PCDHGA1: variants seen among roughly 807,000 people sequenced by gnomAD.
The protein encoded by PCDHGA1 is protocadherin gamma subfamily A, 1, also known as protocadherin gamma-A1.
A neutral mutation model predicts 58.0 loss-of-function variants in PCDHGA1; 32 were observed. The observed-to-expected ratio is 0.55, with a 90% confidence interval of 0.42 to 0.74. PCDHGA1 has a LOEUF of 0.74. Among genes scored for constraint, PCDHGA1 ranks in the 30% least tolerant of loss-of-function variants. The pLI is 0.00. For synonymous variants in PCDHGA1, 498 were observed against 501.1 expected (o/e 0.99, Z 0.08); for missense variants, 1,205 against 1,182.3 (o/e 1.02, Z -0.28).
At position 141,486,055 on chromosome 5, in the gene PCDHGA1, C is replaced by T; in HGVS notation, c.2422-8752C>T. 6.2e-7 allele frequency: 1 copy of T among 1,614,170 alleles called. No individual in the cohort carries two copies. ...CTGATCGTGTAAGAAACCTCTTTAG[C>T]CTGCACCCCACTACTGGAAAGCTTA... On this transcript the variant is annotated intron_variant, in intron 1 of 3. Transcript: ENST00000517417. The surrounding 1 kb of genome is among the most constrained non-coding windows in gnomAD (Gnocchi z 5.0).
intron 1 of PCDHGA1, chr5:141,338,754 A>C (rs772097541): frequency 6.6e-6 from 8 of 1,209,178 alleles, no homozygotes; most frequent in Middle Eastern, 3.1e-4. Flanking sequence ...AGGCAGCGAG[A>C]CATCCAATCC....
In PCDHGA1 at chr5:141,353,085, C is replaced by T. The variant is rs368058412; in HGVS notation, c.2421+19980C>T. 3.9e-4 allele frequency among the ~76,000 whole-genome samples: 60 copies of T among 152,096 alleles called. No individual in the cohort carries two copies. In the East Asian group the frequency reaches 6.0e-3, roughly 15 times the overall value. On this transcript the variant is annotated intron_variant, in intron 1 of 3. Transcript: ENST00000517417. The stretch of plus-strand genomic sequence containing the variant: ...ATTGTTCTAGTGATGGTATCTACTG[C>T]GGGAGGGGGTACTAGATAGATGGAG...
chr5:141,510,069 CCAGCAGAGTGCCTGG>C (rs994886462), intron 3 of PCDHGA1, among the ~76,000 whole-genome samples: 12 of 152,260 alleles, frequency 7.9e-5, no homozygotes, highest in Admixed American at 7.8e-4. Context: ...TGTGAAGCAT[CCAGCAGAGTGCCTGG>C]CACACAGTAG....
In PCDHGA1 at chr5:141,431,508, G is replaced by A. The variant is rs774545870; in HGVS notation, c.2422-63299G>A. ...TTTGCTCAGCCCGAGTACCGCGCGA[G>A]CGTTCCGGAGAATCTGGCCTTGGGC... On this transcript the variant is annotated intron_variant, in intron 1 of 3. Coordinates refer to ENST00000517417, the MANE Select transcript of PCDHGA1 (RefSeq NM_018912.3). The surrounding 1 kb of genome is among the most constrained non-coding windows in gnomAD (Gnocchi z 4.8). 12 of 1,613,914 alleles carry A rather than the reference G, an allele frequency of 7.4e-6. No individual in the cohort carries two copies. Among genetic ancestry groups the A allele is most frequent in the East Asian group, 2.2e-5 (1 of 44,904 alleles).
chr5:141,408,185 C>G, intron 1 of PCDHGA1: 1 of 1,540,440 alleles, frequency 6.5e-7, no homozygotes, highest in Non-Finnish European at 8.8e-7. Context: ...GGGGACCCAG[C>G]GAGAACCCGA....
intron 1 of PCDHGA1, chr5:141,399,180 G>A (rs1454578078): frequency 6.2e-7 from 1 of 1,613,916 alleles, no homozygotes; most frequent in Non-Finnish European, 8.5e-7. Context: ...TACTTGAAAT[G>A]ATTCTGGAAA....
chr5:141,361,227 A>G, intron 1 of PCDHGA1: 2 of 1,614,022 alleles, frequency 1.2e-6, no homozygotes, highest in South Asian at 2.2e-5. Flanking sequence ...CACCAGGAAC[A>G]GTGATCGCCT....
At chr5:141,371,745 G>C (rs767038146) in intron 1 of PCDHGA1, 1 of 1,614,002 alleles carries the variant, frequency 6.2e-7, no homozygotes, top group Non-Finnish European at 8.5e-7. Context: ...CAACGTTCCC[G>C]TTTTCCACCA....
chr5:141,351,276 A>G lies in PCDHGA1; in HGVS notation c.2421+18171A>G, dbSNP rs202007643. 8 of 1,613,958 alleles carry G rather than the reference A, an allele frequency of 5.0e-6. No individual in the cohort carries two copies. The highest frequency in any genetic ancestry group is 6.8e-6 in the Non-Finnish European group (8 of 1,179,840). ...ATAGAAATTGTTGACGAGAATGACA[A>G]TGCCCCAGAGGTGACATTCATGTCC... On this transcript the variant is annotated intron_variant, in intron 1 of 3. Coordinates refer to ENST00000517417, the MANE Select transcript of PCDHGA1 (RefSeq NM_018912.3).
Position 141,476,543 on chromosome 5 carries a change from G to A in PCDHGA1, c.2422-18264G>A, listed in dbSNP as rs1419273574. 1 of 1,614,220 alleles carries A rather than the reference G, an allele frequency of 6.2e-7. No individual in the cohort carries two copies. Among genetic ancestry groups the A allele is most frequent in the South Asian group, 1.1e-5 (1 of 91,084 alleles). On this transcript the variant is annotated intron_variant, in intron 1 of 3. Transcript: ENST00000517417. The surrounding 1 kb of genome is among the most constrained non-coding windows in gnomAD (Gnocchi z 7.6). ...TTTCCCTACCCAGGAAATGAAATTG[G>A]AGATTAGCGAGGCCGTGGCTCCGGG...
At chr5:141,442,452 CA>C (rs2098325918) in intron 1 of PCDHGA1, 1 of 152,226 alleles carries the variant, frequency 6.6e-6, no homozygotes, top group Admixed American at 6.5e-5. Flanking sequence ...GACTCAATAG[CA>C]GTTTCACTGC....
At chr5:141,484,968 C>A (rs2099604490) in intron 1 of PCDHGA1, 2 of 585,734 alleles carry the variant, frequency 3.4e-6, no homozygotes, top group African/African-American at 3.7e-5. Context: ...GCCCGGGAGC[C>A]GCTGTCTGCC....
intron 1 of PCDHGA1, chr5:141,404,364 T>A (rs1353392173): frequency 2.5e-6 from 4 of 1,613,962 alleles, no homozygotes; most frequent in Non-Finnish European, 3.4e-6. Context: ...GGTACTTCCA[T>A]CTTCTCCGTG....
chr5:141,340,990 C>G, intron 1 of PCDHGA1: 1 of 1,613,980 alleles, frequency 6.2e-7, no homozygotes, highest in Non-Finnish European at 8.5e-7. Flanking sequence ...ACATCCTGGC[C>G]GACCTGGGCA....
intron 2 of PCDHGA1, among the ~76,000 whole-genome samples, chr5:141,501,847 C>T (rs976699397): frequency 1.3e-5 from 2 of 152,140 alleles, no homozygotes; most frequent in Admixed American, 6.5e-5. Context: ...GGCCCTCAAC[C>T]TTCAACCATT....
intron 2 of PCDHGA1, among the ~76,000 whole-genome samples, chr5:141,499,686 T>G (rs1400567357): frequency 1.3e-5 from 2 of 149,346 alleles, no homozygotes; most frequent in Non-Finnish European, 3.0e-5. Flanking sequence ...CTTTAACAGA[T>G]GACTTTTTTT....
intron 1 of PCDHGA1, chr5:141,389,438 C>T (rs781427097): frequency 6.2e-7 from 1 of 1,610,592 alleles, no homozygotes; most frequent in South Asian, 1.1e-5. Flanking sequence ...AGCGCGCCTT[C>T]GACCACGAGC....
rs2099749948 is a variant in PCDHGA1 at position 141,493,762 on chromosome 5, C to T, written c.2422-1045C>T. Among the ~76,000 whole-genome samples the T allele has an allele frequency of 1.3e-5, 2 of 152,130 alleles. No homozygotes were observed. Among genetic ancestry groups the T allele is most frequent in the South Asian group, 4.1e-4 (2 of 4,830 alleles). Reference sequence around the variant, plus strand: ...TGCCACCTGTGAGCCTTGAGTGAGCCACTGGCAGTTCCGGAGCTTCCTTCT... The same window carrying T: ...TGCCACCTGTGAGCCTTGAGTGAGCTACTGGCAGTTCCGGAGCTTCCTTCT... On this transcript the variant is annotated intron_variant, in intron 1 of 3. Transcript: ENST00000517417. The surrounding 1 kb of genome is among the most constrained non-coding windows in gnomAD (Gnocchi z 4.3).
chr5:141,389,490 G>T, intron 1 of PCDHGA1: 1 of 1,613,044 alleles, frequency 6.2e-7, no homozygotes, highest in South Asian at 1.1e-5. Flanking sequence ...CCGCGACCAG[G>T]GCTCGCCAGC....
Sources: gnomAD v4.1 joint callset for allele counts (sites outside exome capture counted in the v4.1 genomes callset) on GRCh38, gnomAD v4.1.1 for gene constraint, Gnocchi (gnomAD v3.1) non-coding constraint, MANE v1.5 for transcripts, NCBI Gene and HGNC (gene_info 2026-07-23, HGNC 2026-07-21) for gene names.